The following CLIP4 variants were observed in gnomAD, a reference collection of about 807,000 sequenced individuals.
The protein encoded by CLIP4 is CAP-Gly domain containing linker protein family member 4.
In CLIP4, 47 loss-of-function variants were observed where a neutral mutation model predicts 73.1. That is an observed-to-expected ratio of 0.64 (90% CI 0.51 to 0.82). The LOEUF (loss-of-function observed/expected upper bound fraction) is 0.82. Among genes scored for constraint, CLIP4 ranks in the 40% least tolerant of loss-of-function variants. The probability of loss-of-function intolerance (pLI) is 0.00; values close to 1 mark genes in which losing one functional copy is unlikely to be tolerated. For missense variants in CLIP4, 874 were observed against 852.9 expected (o/e 1.02, Z -0.31); for synonymous variants, 306 against 295.4 (o/e 1.04, Z -0.37).
At chr2:29,174,176 C>G (rs1478345994) in intron 14 of CLIP4, among the ~76,000 whole-genome samples, 197 bp from the exon 15 acceptor site, 1 of 151,918 alleles carries the variant, frequency 6.6e-6, no homozygotes, top group Non-Finnish European at 1.5e-5. Flanking sequence ...TGGTCTTGAA[C>G]TCCTAAGTTC....
intron 2 of CLIP4, among the ~76,000 whole-genome samples, chr2:29,130,459 C>A (rs1664895323): frequency 6.6e-6 from 1 of 152,132 alleles, no homozygotes; most frequent in African/African-American, 2.4e-5. Flanking sequence ...TGATTTGCTG[C>A]AATGTGCTGA....
intron 14 of CLIP4, among the ~76,000 whole-genome samples, chr2:29,168,599 C>T (rs1026709246): frequency 1.6e-4 from 24 of 145,766 alleles, no homozygotes; most frequent in African/African-American, 4.9e-4. Flanking sequence ...CTTGGCTCAC[C>T]GCAAGCTCCG....
intron 8 of CLIP4, among the ~76,000 whole-genome samples, chr2:29,148,217 G>A (rs1666301331): frequency 6.6e-6 from 1 of 152,222 alleles, no homozygotes; most frequent in African/African-American, 2.4e-5. Flanking sequence ...TACTTAAGGT[G>A]GAGGGGAGGG....
intron 1 of CLIP4, among the ~76,000 whole-genome samples, chr2:29,107,411 G>T (rs13402665): frequency 9.0e-6 from 1 of 111,466 alleles, no homozygotes; most frequent in Non-Finnish European, 1.7e-5. Flanking sequence ...TCACTCTGTC[G>T]CCCAGGCTGG....
chr2:29,149,275 G>GT (rs1399547544), intron 8 of CLIP4, among the ~76,000 whole-genome samples: 2 of 152,136 alleles, frequency 1.3e-5, no homozygotes, highest in African/African-American at 4.8e-5. Flanking sequence ...CTGTTCAGAT[G>GT]TTTTGAAGTA....
At chr2:29,168,990 A>G (rs1667820685) in intron 14 of CLIP4, among the ~76,000 whole-genome samples, 1 of 151,376 alleles carries the variant, frequency 6.6e-6, no homozygotes, top group Non-Finnish European at 1.5e-5. Flanking sequence ...TGCATGGATA[A>G]CCATCTATGA....
intron 6 of CLIP4, among the ~76,000 whole-genome samples, chr2:29,141,783 T>TTTTGAGTGCTGTGTTTTTCAGGCTGTTTA (rs1377590900): frequency 6.6e-6 from 1 of 152,166 alleles, no homozygotes; most frequent in Non-Finnish European, 1.5e-5. Context: ...ACTCTATGTC[T>TTTTGAGTGCTGTGTTTTTCAGGCTGTTTA]TTTGAGTGCT....
At chr2:29,106,860 T>C (rs1219997460) in intron 1 of CLIP4, among the ~76,000 whole-genome samples, 1 of 152,210 alleles carries the variant, frequency 6.6e-6, no homozygotes, top group Admixed American at 6.5e-5. Context: ...CTTAAAAAAT[T>C]AGACAATAGC....
Position 29,183,674 on chromosome 2 carries a change from G to C in CLIP4, c.*1781G>C, listed in dbSNP as rs1668746882. The C allele has an allele frequency of 6.6e-6, 1 of 152,580 alleles. No individual in the cohort carries two copies. The highest frequency in any genetic ancestry group is 2.4e-5 in the African/African-American group (1 of 41,430). The allele number at this position is 152,580 out of a possible 1,614,324, so 9.5% of individuals were successfully genotyped here. On this transcript the variant is annotated 3_prime_UTR_variant, in exon 16 of 16. Coordinates refer to ENST00000320081, the MANE Select transcript of CLIP4 (RefSeq NM_024692.6). Reference sequence around the variant, plus strand: ...TCTTTATATTTAGATGAGGATGATTGAGTCCATATACTATGTATGTTTACA... The same window carrying C: ...TCTTTATATTTAGATGAGGATGATTCAGTCCATATACTATGTATGTTTACA...
chr2:29,135,673 G>A lies in CLIP4; in HGVS notation c.648+7G>A, dbSNP rs754272998. On this transcript the variant is annotated splice_region_variant and intron_variant, in intron 6 of 15. Coordinates refer to ENST00000320081, the MANE Select transcript of CLIP4 (RefSeq NM_024692.6). ...AGCAAATCCTGCATTTAGGGTAAGA[G>A]GTTAAATTAAAAGTGAAAAATATTA... 1.9e-6 allele frequency: 3 copies of A among 1,561,664 alleles called. No individual in the cohort carries two copies. The highest frequency in any genetic ancestry group is 2.3e-5 in the East Asian group (1 of 43,948).
Position 29,135,548 on chromosome 2 carries a change from A to G in CLIP4, c.530A>G (p.Asp177Gly). Residue 177 changes from aspartate to glycine, a missense_variant and splice_region_variant, in exon 6 of 16, where the codon GAT becomes GGT. Physicochemically the swap from Asp to Gly is moderately conservative, Grantham distance 94. Transcript: ENST00000320081. ...ATATACTTATGATGTTTAATTGCAG[A>G]TGTGGATGCCACTTGCAGTGATTTT... ...RVILKTSKPK[D>G]VDATCSDFNF... 6.2e-7 allele frequency: 1 copy of G among 1,600,102 alleles called. No homozygotes were observed. Among genetic ancestry groups the G allele is most frequent in the Non-Finnish European group, 8.5e-7 (1 of 1,173,168 alleles).
At position 29,131,013 on chromosome 2, in the gene CLIP4, G is replaced by A. The variant is rs145837103; in HGVS notation, c.134-245G>A. ...GTTGAGCTGGTATTATTTAGTCTGA[G>A]CTTTGCTTTCCTCATGTGCAAAATG... On this transcript the variant is annotated intron_variant, in intron 2 of 15. Transcript: ENST00000320081. 2,531 of 971,094 alleles carry A rather than the reference G, an allele frequency of 2.6e-3. 7 individuals carry two copies. Among genetic ancestry groups the A allele is most frequent in the South Asian group, 3.1e-3 (183 of 59,038 alleles). The allele number at this position is 971,094 out of a possible 1,614,324, so 60.2% of individuals were successfully genotyped here.
intron 11 of CLIP4, among the ~76,000 whole-genome samples, 160 bp from the exon 12 acceptor site, chr2:29,160,173 T>G (rs777916237): frequency 1.4e-4 from 21 of 152,220 alleles, no homozygotes; most frequent in Non-Finnish European, 2.4e-4. Flanking sequence ...TGTAGATGAC[T>G]TATGTGATGA....
At chr2:29,160,302 C>T in intron 11 of CLIP4, 31 bp from the exon 12 acceptor site, 1 of 1,613,750 alleles carries the variant, frequency 6.2e-7, no homozygotes, top group Non-Finnish European at 8.5e-7. Flanking sequence ...TTTTCCTGCC[C>T]TGCCCCTGTA....
rs1391368806 is a variant in CLIP4, at chr2:29,152,798, G to T, written c.1135G>T (p.Val379Leu). The T allele has an allele frequency of 6.2e-7, 1 of 1,613,640 alleles. No individual in the cohort carries two copies. Among genetic ancestry groups the T allele is most frequent in the Non-Finnish European group, 8.5e-7 (1 of 1,179,758 alleles). The change falls in exon 9 of 16, where the codon GTA becomes TTA. Residue 379 changes from valine to leucine, a missense_variant. By Grantham distance (32) the Val-to-Leu change is conservative. Coordinates refer to ENST00000320081, the MANE Select transcript of CLIP4 (RefSeq NM_024692.6). ...TCTCATCAGGTCCCAGAAAATTGAC[G>T]TAGCTCATGTGACGTCAAAAGTAAA... is the stretch of plus-strand genomic sequence containing the variant. The part of the protein sequence containing the change: ...VPLIRSQKID[V>L]AHVTSKVNTG...
rs189716436 is a variant in CLIP4 at position 29,178,474 on chromosome 2, C to T, written c.1797-3098C>T. Among the ~76,000 whole-genome samples the T allele has an allele frequency of 2.0e-4, 30 of 152,270 alleles. No homozygotes were observed. The East Asian group carries it at 5.2e-3, about 26-fold the overall frequency. On this transcript the variant is annotated intron_variant, in intron 15 of 15. Transcript: ENST00000320081. ...GGGATTACAGGTGTGCACCACTGTG[C>T]CTGGCCATGTGTCTGAATTTTTAAG...
At chr2:29,144,748 G>T (rs1167721773) in intron 7 of CLIP4, among the ~76,000 whole-genome samples, 1 of 150,186 alleles carries the variant, frequency 6.7e-6, no homozygotes, top group African/African-American at 2.5e-5. Context: ...ATGGAGAATG[G>T]AACAGGGAAT....
rs773730812 is a variant in CLIP4, at chr2:29,143,923, G to C, written c.863G>C (p.Arg288Pro). The change falls in exon 7 of 16, where the codon CGT (arginine) becomes CCT (proline). Residue 288 changes from arginine (R) to proline (P), a missense_variant. Physicochemically the swap from Arg to Pro is moderately radical, Grantham distance 103 (BLOSUM62 -2). Transcript: ENST00000320081. Reference sequence around the variant, plus strand: ...TCACTTGGCCTGAAGTTGGGGGATCGTGTTGTTATTGCAGGACAGAAGGTA... The same window carrying C: ...TCACTTGGCCTGAAGTTGGGGGATCCTGTTGTTATTGCAGGACAGAAGGTA... The part of the protein sequence containing the change: ...LTSLGLKLGD[R>P]VVIAGQKVGT... The C allele has an allele frequency of 6.2e-7, 1 of 1,614,146 alleles. No individual in the cohort carries two copies. Among genetic ancestry groups the C allele is most frequent in the Non-Finnish European group, 8.5e-7 (1 of 1,179,982 alleles).
chr2:29,099,521 A>G (rs76469052), intron 1 of CLIP4, among the ~76,000 whole-genome samples: 1,560 of 152,272 alleles, frequency 0.01, 22 homozygotes, highest in African/African-American at 0.036. Flanking sequence ...TATTTGAGTG[A>G]GTATATTTCT....
Sources: allele counts gnomAD v4.1 joint callset (sites outside exome capture counted in the v4.1 genomes callset), GRCh38; gene constraint gnomAD v4.1.1; transcripts MANE v1.5; gene names NCBI Gene and HGNC (gene_info 2026-07-23, HGNC 2026-07-21).